Variants in KLHL4 observed in about 807,000 individuals in gnomAD.
KLHL4 encodes kelch like family member 4.
KLHL4 carries 17 observed loss-of-function variants against 45.8 expected under a neutral mutation model. The ratio of observed to expected loss-of-function variants is 0.37; its 90% CI spans 0.25 to 0.56. The LOEUF (loss-of-function observed/expected upper bound fraction) is 0.56, where lower values mean the gene tolerates loss of function less well. Among genes scored for constraint, KLHL4 ranks in the 20% least tolerant of loss-of-function variants. The probability of loss-of-function intolerance (pLI) is 0.79; values close to 1 mark genes in which losing one functional copy is unlikely to be tolerated. For synonymous variants in KLHL4, 224 were observed against 189.9 expected (o/e 1.18, Z -1.47); for missense variants, 544 against 544.9 (o/e 1.00, Z 0.02).
intron 6 of KLHL4, among the ~76,000 whole-genome samples, chrX:87,629,413 A>G (rs1466394881): frequency 9.0e-6 from 1 of 111,328 alleles, no homozygotes; most frequent in Non-Finnish European, 1.9e-5. Flanking sequence ...TCAGAATTCA[A>G]TATGTAGAAC....
At chrX:87,587,231 T>G (rs1465478638) in intron 1 of KLHL4, among the ~76,000 whole-genome samples, 1 of 100,959 alleles carries the variant, frequency 9.9e-6, no homozygotes, top group African/African-American at 3.6e-5. Flanking sequence ...TTAATAACAA[T>G]CTCACTCAAG....
chrX:87,592,595 C>A (rs1921708168), intron 1 of KLHL4, among the ~76,000 whole-genome samples: 1 of 111,473 alleles, frequency 9.0e-6, no homozygotes, highest in African/African-American at 3.3e-5. Flanking sequence ...ATTTACATTT[C>A]TCAAATGATC....
intron 1 of KLHL4, among the ~76,000 whole-genome samples, chrX:87,518,675 A>G (rs940539162): frequency 2.7e-5 from 3 of 111,737 alleles, no homozygotes; most frequent in African/African-American, 9.7e-5. Context: ...ATCACGGAGA[A>G]CTCTTTCTGA....
chrX:87,669,596 T>TAA lies in KLHL4; in HGVS notation c.*3064_*3065dup. The stretch of plus-strand genomic sequence containing the variant: ...TCCTACCTTGAGATCTTAGTCTAGG[T>TAA]AAAGAAAAAAAAAAAAAGGTCATGA... On this transcript the variant is annotated 3_prime_UTR_variant, in exon 11 of 11. Transcript: ENST00000373119. 1 of 322,912 alleles carries TAA rather than the reference T, an allele frequency of 3.1e-6. No individual in the cohort carries two copies. Among genetic ancestry groups the TAA allele is most frequent in the Non-Finnish European group, 5.0e-6 (1 of 199,961 alleles). The allele number at this position is 322,912 out of a possible 1,213,427, so 26.6% of individuals were successfully genotyped here.
intron 9 of KLHL4, among the ~76,000 whole-genome samples, chrX:87,658,991 C>A (rs1391149770): frequency 1.8e-5 from 2 of 108,293 alleles, no homozygotes; most frequent in Non-Finnish European, 3.8e-5. Flanking sequence ...TTCAAATATT[C>A]TTTCTGTTCT....
chrX:87,518,398 A>C (rs747107232), intron 1 of KLHL4, 83 bp downstream of exon 1: 19 of 798,204 alleles, frequency 2.4e-5, no homozygotes, highest in Non-Finnish European at 3.4e-5. Context: ...TTTAAATAGA[A>C]AGTGTCATAA....
At chrX:87,532,819 A>G in intron 1 of KLHL4, among the ~76,000 whole-genome samples, 1 of 111,294 alleles carries the variant, frequency 9.0e-6, no homozygotes, top group African/African-American at 3.3e-5. Flanking sequence ...GCTTATCAAC[A>G]TATCCAGAAT....
intron 1 of KLHL4, among the ~76,000 whole-genome samples, chrX:87,591,054 G>A (rs1164377787): frequency 9.0e-6 from 1 of 111,570 alleles, no homozygotes; most frequent in African/African-American, 3.3e-5. Flanking sequence ...AGTTTTTTAA[G>A]GAATCCCTAT....
chrX:87,614,424 C>T lies in KLHL4; in HGVS notation c.591-10C>T, dbSNP rs1450174916. 2.5e-6 allele frequency: 3 copies of T among 1,199,368 alleles called. No homozygotes were observed. Among genetic ancestry groups the T allele is most frequent in the Middle Eastern group, 2.3e-4 (1 of 4,311 alleles). On this transcript the variant is annotated splice_polypyrimidine_tract_variant and intron_variant, in intron 2 of 10. Transcript: ENST00000373119. ...TCATTTAAATTCCTACAAATATTTC[C>T]TATTTCCAGGTTGGTTCTCAGCGCA...
intron 9 of KLHL4, among the ~76,000 whole-genome samples, chrX:87,658,082 G>C (rs1924052927): frequency 8.9e-6 from 1 of 112,058 alleles, no homozygotes; most frequent in South Asian, 3.7e-4. Context: ...CTGGCAGCAA[G>C]CTGAAACAAA....
chrX:87,535,416 A>C lies in KLHL4; in HGVS notation c.422+17101A>C, dbSNP rs190888546. 3.6e-5 allele frequency among the ~76,000 whole-genome samples: 4 copies of C among 112,334 alleles called. No individual in the cohort carries two copies. In the East Asian group the frequency reaches 1.1e-3, roughly 31 times the overall value. ...TTATTTGGAGTTAAATATGTGATACAATTGTGACACTTTAAATCCTATAAC... is the reference window on the plus strand; with the variant it reads ...TTATTTGGAGTTAAATATGTGATACCATTGTGACACTTTAAATCCTATAAC... On this transcript the variant is annotated intron_variant, in intron 1 of 10. Transcript: ENST00000373119.
chrX:87,660,599 C>T (rs1238377577), intron 9 of KLHL4, among the ~76,000 whole-genome samples: 1 of 112,332 alleles, frequency 8.9e-6, no homozygotes, highest in East Asian at 2.8e-4. Flanking sequence ...AACGCCAACA[C>T]TCTGGGAGGC....
chrX:87,638,177 C>G (rs972828526), intron 9 of KLHL4, among the ~76,000 whole-genome samples: 6 of 110,770 alleles, frequency 5.4e-5, no homozygotes, highest in Non-Finnish European at 1.1e-4. Flanking sequence ...ATGAACAAAG[C>G]CTTCAAGAAG....
chrX:87,623,330 T>C, intron 5 of KLHL4, among the ~76,000 whole-genome samples: 1 of 95,825 alleles, frequency 1.0e-5, no homozygotes, highest in Non-Finnish European at 2.1e-5. Context: ...AGTCTTGCTC[T>C]GTTGCCAGGC....
At chrX:87,575,146 G>C (rs11798677) in intron 1 of KLHL4, among the ~76,000 whole-genome samples, 24,703 of 111,164 alleles carry the variant, frequency 0.22, 2,049 homozygotes, top group Non-Finnish European at 0.26. Context: ...TTCTTTACTA[G>C]AAGTTTCCTG....
chrX:87,624,921 T>C (rs1460262650), intron 5 of KLHL4, among the ~76,000 whole-genome samples: 1 of 112,263 alleles, frequency 8.9e-6, no homozygotes, highest in Non-Finnish European at 1.9e-5. Context: ...ACAGATACCA[T>C]CCACCATGTC....
chrX:87,614,917 G>C (rs1212260409), intron 3 of KLHL4, among the ~76,000 whole-genome samples: 2 of 111,163 alleles, frequency 1.8e-5, no homozygotes, highest in Non-Finnish European at 3.8e-5. Context: ...AAAAAGTAGA[G>C]TTGGGAATGG....
intron 1 of KLHL4, among the ~76,000 whole-genome samples, chrX:87,603,051 G>T (rs1370726850): frequency 9.0e-6 from 1 of 111,469 alleles, no homozygotes; most frequent in African/African-American, 3.3e-5. Flanking sequence ...GGTTCAAGAG[G>T]CTAGAGGAGC....
At chrX:87,631,536 T>C (rs1478995689) in intron 6 of KLHL4, among the ~76,000 whole-genome samples, 1 of 111,641 alleles carries the variant, frequency 9.0e-6, no homozygotes, top group African/African-American at 3.3e-5. Context: ...TTTATTTATT[T>C]ATATAGACAG....
Sources: gnomAD v4.1 joint callset for allele counts (sites outside exome capture counted in the v4.1 genomes callset) on GRCh38, gnomAD v4.1.1 for gene constraint, MANE v1.5 for transcripts, NCBI Gene and HGNC (gene_info 2026-07-23, HGNC 2026-07-21) for gene names.